The following FSD1L variants were observed in gnomAD, a reference collection of about 807,000 sequenced individuals.
FSD1L encodes the protein FSD1-like protein.
Under a neutral mutation model 71.6 loss-of-function variants are expected in FSD1L, and 45 were observed. The observed-to-expected ratio is 0.63, with a 90% CI of 0.49 to 0.81. The LOEUF is 0.81. FSD1L is among the 30% of genes least tolerant of loss of function. FSD1L has a pLI of 0.00. For missense variants in FSD1L, 561 were observed against 618.1 expected (o/e 0.91, Z 0.98); for synonymous variants, 197 against 207.2 (o/e 0.95, Z 0.42).
At chr9:105,492,325 C>T (rs1833004434) in intron 7 of FSD1L, among the ~76,000 whole-genome samples, 1 of 152,162 alleles carries the variant, frequency 6.6e-6, no homozygotes, top group African/African-American at 2.4e-5. Flanking sequence ...GTTTGTATTT[C>T]TGTGGCATCA....
intron 7 of FSD1L, among the ~76,000 whole-genome samples, chr9:105,502,353 T>C (rs1186841222): frequency 6.6e-6 from 1 of 152,236 alleles, no homozygotes; most frequent in African/African-American, 2.4e-5. Context: ...AAAACTTTGA[T>C]TGTTGCCTTT....
At position 105,549,554 on chromosome 9, in the gene FSD1L, C is replaced by G. The variant is rs1035700414; in HGVS notation, c.*3071C>G. On this transcript the variant is annotated 3_prime_UTR_variant, in exon 14 of 14. Transcript: ENST00000481272. ...TGGTATCTGTATCATCTTGACAAAT[C>G]GTGAACTGCTGCTGTATGGCTAGAC... The G allele has an allele frequency of 1.3e-5, 2 of 151,976 alleles. No individual in the cohort carries two copies. Among genetic ancestry groups the G allele is most frequent in the African/African-American group, 2.4e-5 (1 of 41,434 alleles). 9.4% of individuals were successfully genotyped at this position (151,976 alleles called of 1,614,324 possible).
intron 12 of FSD1L, among the ~76,000 whole-genome samples, chr9:105,535,868 TA>T (rs1836233793): frequency 6.6e-6 from 1 of 152,136 alleles, no homozygotes. Flanking sequence ...ATACAGCAAA[TA>T]TTTACTGTGC....
chr9:105,451,239 G>A (rs1424899793), intron 1 of FSD1L, among the ~76,000 whole-genome samples: 1 of 152,244 alleles, frequency 6.6e-6, no homozygotes, highest in Non-Finnish European at 1.5e-5. Flanking sequence ...GATTACAGGC[G>A]TGGGCCACCG....
chr9:105,512,797 T>A lies in FSD1L; in HGVS notation c.896-10T>A, dbSNP rs973266317. On this transcript the variant is annotated splice_polypyrimidine_tract_variant and intron_variant, in intron 9 of 13. Transcript: ENST00000481272. The stretch of plus-strand genomic sequence containing the variant: ...ATTTTAAAAATATATTTAAATATTA[T>A]CTTGAATAGCACTTAACTTCAATTT... 6 of 1,417,920 alleles carry A rather than the reference T, an allele frequency of 4.2e-6. No individual in the cohort carries two copies. The South Asian group carries it at 8.9e-5, about 21-fold the overall frequency. 87.8% of individuals were successfully genotyped at this position (1,417,920 alleles called of 1,614,324 possible).
Position 105,479,394 on chromosome 9 carries a change from T to G in FSD1L, c.464+18T>G. ...AAGGATAGGTATGGTATAAAACACA[T>G]TTTTACTTAAGTATAAATATTGAAG... On this transcript the variant is annotated intron_variant, in intron 6 of 13. Coordinates refer to ENST00000481272, the MANE Select transcript of FSD1L (RefSeq NM_001145313.3). 6.5e-7 allele frequency: 1 copy of G among 1,534,528 alleles called. No homozygotes were observed. The highest frequency in any genetic ancestry group is 2.0e-5 in the Admixed American group (1 of 50,282).
chr9:105,499,729 T>C (rs925872568), intron 7 of FSD1L, among the ~76,000 whole-genome samples: 2 of 151,688 alleles, frequency 1.3e-5, no homozygotes, highest in East Asian at 1.9e-4. Context: ...GTGTCTGATA[T>C]TAGTTTGGGA....
intron 7 of FSD1L, among the ~76,000 whole-genome samples, chr9:105,500,007 T>C (rs935883734): frequency 6.6e-6 from 1 of 152,230 alleles, no homozygotes; most frequent in Non-Finnish European, 1.5e-5. Context: ...CTTTTTATCT[T>C]TAGCCTTTCT....
In FSD1L at chr9:105,498,679, C is replaced by T. The variant is rs747490422; in HGVS notation, c.587-7720C>T. On this transcript the variant is annotated intron_variant, in intron 7 of 13. Transcript: ENST00000481272. ...ATAATTTCCCTCTAAGCACTATTTT[C>T]GTTGCATTCAACAAATTTTGATAAG... Among the ~76,000 whole-genome samples, 108 of 152,098 alleles carry T rather than the reference C, an allele frequency of 7.1e-4. 1 individual carries two copies. Among genetic ancestry groups the T allele is most frequent in the Admixed American group, 7.1e-3 (108 of 15,276 alleles).
intron 6 of FSD1L, among the ~76,000 whole-genome samples, chr9:105,481,967 G>T (rs1832234532): frequency 6.6e-6 from 1 of 151,996 alleles, no homozygotes; most frequent in South Asian, 2.1e-4. Flanking sequence ...TAGAGATGGG[G>T]TTTCGCCATG....
intron 10 of FSD1L, 55 bp from the exon 11 acceptor site, chr9:105,534,438 T>C: frequency 2.2e-6 from 2 of 916,100 alleles, no homozygotes; most frequent in Non-Finnish European, 3.3e-6. Flanking sequence ...TTTTAGTTTA[T>C]GAAACATTTA....
chr9:105,482,775 A>G (rs956890330), intron 6 of FSD1L, among the ~76,000 whole-genome samples: 2 of 152,148 alleles, frequency 1.3e-5, no homozygotes, highest in African/African-American at 2.4e-5. Context: ...TTTATGGGGC[A>G]TATTCTTTTT....
At chr9:105,498,264 T>A (rs923107137) in intron 7 of FSD1L, among the ~76,000 whole-genome samples, 3 of 151,264 alleles carry the variant, frequency 2.0e-5, no homozygotes, top group Non-Finnish European at 4.4e-5. Context: ...AATTACTTGT[T>A]TTAGATCTTC....
intron 1 of FSD1L, among the ~76,000 whole-genome samples, chr9:105,460,038 A>C (rs1442801350): frequency 6.6e-6 from 1 of 152,198 alleles, no homozygotes; most frequent in African/African-American, 2.4e-5. Context: ...CTCTTCAAAG[A>C]ATGAGACTGT....
chr9:105,463,434 T>C (rs1830852337), intron 2 of FSD1L, among the ~76,000 whole-genome samples: 1 of 152,232 alleles, frequency 6.6e-6, no homozygotes, highest in Non-Finnish European at 1.5e-5. Context: ...GCAACTAGAC[T>C]TGTGCTGTCC....
Position 105,548,243 on chromosome 9 carries a change from T to G in FSD1L, c.*1760T>G, listed in dbSNP as rs984030732. 9 of 152,058 alleles carry G rather than the reference T, an allele frequency of 5.9e-5. 1 individual carries two copies. The highest frequency in any genetic ancestry group is 3.9e-4 in the Admixed American group (6 of 15,248). 9.4% of individuals were successfully genotyped at this position (152,058 alleles called of 1,614,324 possible). On this transcript the variant is annotated 3_prime_UTR_variant, in exon 14 of 14. Coordinates refer to ENST00000481272, the MANE Select transcript of FSD1L (RefSeq NM_001145313.3). The stretch of plus-strand genomic sequence containing the variant: ...TCCTCAGAGAGAGTTTGAAAGAAAT[T>G]TTCAGATGTTCTGTTCCCTATAGAG...
chr9:105,523,909 G>GTT lies in FSD1L; in HGVS notation c.1026-10583_1026-10582insTT, dbSNP rs1158983379. On this transcript the variant is annotated intron_variant, in intron 10 of 13. Coordinates refer to ENST00000481272, the MANE Select transcript of FSD1L (RefSeq NM_001145313.3). The stretch of plus-strand genomic sequence containing the variant: ...ATTATGGATTTTATTGTAGCAGCTG[G>GTT]TAGAGTGGCTTCTTCAGCTTTTCTC... The GTT allele has an allele frequency of 1.1e-5, 18 of 1,590,384 alleles. No individual in the cohort carries two copies. In the African/African-American group the frequency reaches 2.0e-4, roughly 18 times the overall value.
At chr9:105,526,281 A>G in intron 10 of FSD1L, 1 of 1,606,396 alleles carries the variant, frequency 6.2e-7, no homozygotes. Context: ...ACTTAGAACC[A>G]ACAACATTTG....
chr9:105,515,787 G>GTTT (rs766421540), intron 10 of FSD1L, among the ~76,000 whole-genome samples: 4 of 147,010 alleles, frequency 2.7e-5, no homozygotes, highest in African/African-American at 1.0e-4. Flanking sequence ...AGCTGCAGAA[G>GTTT]GTTTTTTTTT....
Sources: gnomAD v4.1 joint callset for allele counts (sites outside exome capture counted in the v4.1 genomes callset) on GRCh38, gnomAD v4.1.1 for gene constraint, MANE v1.5 for transcripts, NCBI Gene and HGNC (gene_info 2026-07-23, HGNC 2026-07-21) for gene names.